CNTNAP2: variants seen among roughly 807,000 people sequenced by gnomAD.
CNTNAP2 encodes contactin-associated protein-like 2.
CNTNAP2 carries 98 observed loss-of-function variants against 155.2 expected under a neutral mutation model. That is an observed-to-expected ratio of 0.63 (90% CI 0.54 to 0.75). The LOEUF is 0.75. Ranked by LOEUF, CNTNAP2 falls within the 30% of genes least tolerant of loss-of-function variation. The probability of loss-of-function intolerance (pLI) is 0.00; values close to 1 mark genes in which losing one functional copy is unlikely to be tolerated. For synonymous variants in CNTNAP2, 651 were observed against 631.2 expected, an observed-to-expected ratio of 1.03 and a Z score of -0.47; for missense variants, 1,727 against 1,688.1, an observed-to-expected ratio of 1.02 and a Z score of -0.40.
chr7:146,380,404 T>C (rs1019872482), intron 1 of CNTNAP2, among the ~76,000 whole-genome samples: 5 of 151,838 alleles, frequency 3.3e-5, no homozygotes, highest in African/African-American at 9.7e-5. Context: ...CTAGAAGTGA[T>C]TTTTTTTCTC....
At chr7:148,150,385 A>G (rs1018687786) in intron 17 of CNTNAP2, among the ~76,000 whole-genome samples, 1 of 152,054 alleles carries the variant, frequency 6.6e-6, no homozygotes, top group Admixed American at 6.5e-5. Flanking sequence ...CATCTCTACT[A>G]AAAATACAAA....
chr7:148,061,231 A>T (rs991037781), intron 15 of CNTNAP2, among the ~76,000 whole-genome samples: 6 of 152,236 alleles, frequency 3.9e-5, no homozygotes, highest in Non-Finnish European at 8.8e-5. Flanking sequence ...TCTGTTAGAA[A>T]GAGAATAATC....
At chr7:148,351,614 G>A (rs1235137271) in intron 21 of CNTNAP2, among the ~76,000 whole-genome samples, 5 of 151,380 alleles carry the variant, frequency 3.3e-5, no homozygotes, top group Non-Finnish European at 7.4e-5. Context: ...GTGGTGGTGT[G>A]TGCCTGCAAT....
At chr7:148,182,278 C>CTT (rs1279423676) in intron 18 of CNTNAP2, among the ~76,000 whole-genome samples, 1 of 145,764 alleles carries the variant, frequency 6.9e-6, no homozygotes, top group Non-Finnish European at 1.5e-5. Context: ...CTTTTCTTTT[C>CTT]TTTTGTGAGC....
chr7:146,799,869 C>T (rs57270273), intron 2 of CNTNAP2, among the ~76,000 whole-genome samples: 4,940 of 152,062 alleles, frequency 0.032, 270 homozygotes, highest in African/African-American at 0.11. Context: ...TTTTCAAGAT[C>T]GAAGGAGTTT....
chr7:146,400,806 G>A (rs1057270149), intron 1 of CNTNAP2, among the ~76,000 whole-genome samples: 4 of 152,212 alleles, frequency 2.6e-5, no homozygotes, highest in African/African-American at 9.6e-5. Flanking sequence ...TGCAGAGGCT[G>A]ACAGCCTTGG....
chr7:147,599,598 C>T (rs1175503696), intron 12 of CNTNAP2, among the ~76,000 whole-genome samples: 1 of 151,906 alleles, frequency 6.6e-6, no homozygotes, highest in African/African-American at 2.4e-5. Flanking sequence ...CAGGGCCATG[C>T]TCTTTCTGAA....
intron 9 of CNTNAP2, among the ~76,000 whole-genome samples, chr7:147,393,698 A>G (rs1217296482): frequency 1.3e-5 from 2 of 151,932 alleles, no homozygotes; most frequent in African/African-American, 4.8e-5. Context: ...AATGCGAATG[A>G]AAAAAATGTG....
At chr7:147,514,918 A>G (rs1219378117) in intron 11 of CNTNAP2, among the ~76,000 whole-genome samples, 1 of 152,120 alleles carries the variant, frequency 6.6e-6, no homozygotes, top group Non-Finnish European at 1.5e-5. Flanking sequence ...ATTCACTCTC[A>G]TCACAGCAGC....
intron 15 of CNTNAP2, among the ~76,000 whole-genome samples, chr7:148,042,470 C>A (rs1481722932): frequency 6.6e-6 from 1 of 152,128 alleles, no homozygotes; most frequent in Non-Finnish European, 1.5e-5. Flanking sequence ...TTTTCATTAT[C>A]CTAAAGGACA....
At chr7:148,167,124 A>G (rs1370611417) in intron 17 of CNTNAP2, among the ~76,000 whole-genome samples, 2 of 152,176 alleles carry the variant, frequency 1.3e-5, no homozygotes, top group Non-Finnish European at 2.9e-5. Flanking sequence ...ATGAAGAGGG[A>G]GGACAAAACT....
intron 3 of CNTNAP2, among the ~76,000 whole-genome samples, chr7:146,961,959 C>A (rs527944777): frequency 1.3e-5 from 2 of 152,118 alleles, no homozygotes; most frequent in South Asian, 4.2e-4. Flanking sequence ...GAGACTTAGG[C>A]AATTAAAGAC....
At chr7:147,332,965 G>A (rs1322094512) in intron 9 of CNTNAP2, among the ~76,000 whole-genome samples, 2 of 151,968 alleles carry the variant, frequency 1.3e-5, no homozygotes, top group African/African-American at 4.8e-5. Context: ...TTAAAAACAT[G>A]CAATTTTCAT....
intron 18 of CNTNAP2, among the ~76,000 whole-genome samples, chr7:148,200,976 T>C (rs1384811212): frequency 6.6e-6 from 1 of 152,222 alleles, no homozygotes; most frequent in Admixed American, 6.5e-5. Flanking sequence ...TGGAGTTATC[T>C]TGGATTCAGG....
At position 148,115,080 on chromosome 7, in the gene CNTNAP2, G is replaced by T. The variant is rs181387384; in HGVS notation, c.2384-3038G>T. 3.3e-5 allele frequency among the ~76,000 whole-genome samples: 5 copies of T among 152,290 alleles called. No homozygotes were observed. The East Asian group carries it at 9.7e-4, about 29-fold the overall frequency. On this transcript the variant is annotated intron_variant, in intron 15 of 23. Coordinates refer to ENST00000361727, the MANE Select transcript of CNTNAP2 (RefSeq NM_014141.6). Reference sequence around the variant, plus strand: ...TCCAGGATAGTGGGAAAAACCATTTGTACAAGGCATGACTTCCCCGTGAAT... The same window carrying T: ...TCCAGGATAGTGGGAAAAACCATTTTTACAAGGCATGACTTCCCCGTGAAT...
At chr7:146,971,158 G>A (rs894269506) in intron 3 of CNTNAP2, among the ~76,000 whole-genome samples, 3 of 151,736 alleles carry the variant, frequency 2.0e-5, no homozygotes, top group Non-Finnish European at 4.4e-5. Context: ...GTATACATAT[G>A]TAACTAACCT....
intron 3 of CNTNAP2, among the ~76,000 whole-genome samples, chr7:146,847,803 G>A (rs745566902): frequency 1.2e-4 from 18 of 152,140 alleles, no homozygotes; most frequent in Middle Eastern, 6.8e-3. Flanking sequence ...ATCACATCGA[G>A]TCCTATGCCT....
At chr7:146,183,621 T>A (rs1177571852) in intron 1 of CNTNAP2, among the ~76,000 whole-genome samples, 1 of 149,786 alleles carries the variant, frequency 6.7e-6, no homozygotes, top group African/African-American at 2.5e-5. Context: ...ATAATAATAA[T>A]AATAATAATA....
At position 147,623,168 on chromosome 7, in the gene CNTNAP2, G is replaced by A. The variant is rs115950912; in HGVS notation, c.1898-15938G>A. On this transcript the variant is annotated intron_variant, in intron 12 of 23. Coordinates refer to ENST00000361727, the MANE Select transcript of CNTNAP2 (RefSeq NM_014141.6). Reference sequence around the variant, plus strand: ...GCACAGGAACTGAAGGCGGAAATCTGAAAGCCTTTCCTCGAAGATCTGGAA... The same window carrying A: ...GCACAGGAACTGAAGGCGGAAATCTAAAAGCCTTTCCTCGAAGATCTGGAA... 5.8e-3 allele frequency among the ~76,000 whole-genome samples: 887 copies of A among 152,130 alleles called. 10 individuals are homozygous for A. Among genetic ancestry groups the A allele is most frequent in the African/African-American group, 0.021 (852 of 41,532 alleles).
Sources: gnomAD v4.1 joint callset for allele counts (sites outside exome capture counted in the v4.1 genomes callset) on GRCh38, gnomAD v4.1.1 for gene constraint, MANE v1.5 for transcripts, NCBI Gene and HGNC (gene_info 2026-07-23, HGNC 2026-07-21) for gene names.